NELFA: variants seen among roughly 807,000 people sequenced by gnomAD.
NELFA encodes negative elongation factor A.
A neutral mutation model predicts 51.8 loss-of-function variants in NELFA; 35 were observed. The observed-to-expected ratio is 0.68, with a 90% CI of 0.52 to 0.90. NELFA has a LOEUF of 0.90. Among genes scored for constraint, NELFA ranks in the 40% least tolerant of loss-of-function variants. The pLI is 0.00. For synonymous variants in NELFA, 417 were observed against 338.4 expected (o/e 1.23, Z -2.55); for missense variants, 658 against 746.4 (o/e 0.88, Z 1.38).
rs1477726397 is a variant in NELFA at position 1,983,417 on chromosome 4, T to C, written c.1489A>G (p.Ser497Gly). Residue 497 changes from serine (S) to glycine (G), a missense_variant, in exon 11 of 11, where the codon AGC becomes GGC. This residue lies in a region of NELFA where 87 missense variants were observed against 130.2 expected (regional missense o/e 0.67). Transcript: ENST00000382882. The stretch of plus-strand genomic sequence containing the variant: ...ACTGTGTCCACCAGCATGGTTGTGC[T>C]ACCCTGGCCGTCCGCCTTGGGCAGG... ...EDLPKADGQG[S>G]TTMLVDTVFE... 1 of 1,614,090 alleles carries C rather than the reference T, an allele frequency of 6.2e-7. No homozygotes were observed. Among genetic ancestry groups the C allele is most frequent in the African/African-American group, 1.3e-5 (1 of 74,934 alleles).
intron 1 of NELFA, among the ~76,000 whole-genome samples, chr4:2,005,647 G>A (rs561579376): frequency 2.0e-5 from 3 of 152,098 alleles, no homozygotes; most frequent in Non-Finnish European, 2.9e-5. Flanking sequence ...AGCTGAGATC[G>A]CGCCACTGCT....
At position 1,987,997 on chromosome 4, in the gene NELFA, G is replaced by C. The variant is rs536359664; in HGVS notation, c.555C>G (p.Thr185=). 6.2e-7 allele frequency: 1 copy of C among 1,610,326 alleles called. No individual in the cohort carries two copies. The highest frequency in any genetic ancestry group is 1.3e-5 in the African/African-American group (1 of 74,932). The change falls in exon 4 of 11, where the codon ACC becomes ACG. Residue 185 remains threonine, a synonymous_variant. Coordinates refer to ENST00000382882, the MANE Select transcript of NELFA (RefSeq NM_005663.5). Reference sequence around the variant, plus strand: ...CGGCGCTCCGCTTCAACTGCTGGGCGGTCTCCGTGGCTGGAAGGAAGAGGT... The same window carrying C: ...CGGCGCTCCGCTTCAACTGCTGGGCCGTCTCCGTGGCTGGAAGGAAGAGGT... ...RAELLQKSTE[T]AQQLKRSAGV... is the part of the protein sequence containing the mutation.
chr4:1,986,479 C>T (rs767170825), intron 4 of NELFA, 77 bp from the exon 5 acceptor site: 1 of 1,604,238 alleles, frequency 6.2e-7, no homozygotes, highest in East Asian at 2.2e-5. Context: ...GAACGTCCCA[C>T]CCTCTTCTAG....
chr4:1,989,590 G>C lies in NELFA; in HGVS notation c.544+118C>G. On this transcript the variant is annotated intron_variant, in intron 3 of 10. Coordinates refer to ENST00000382882, the MANE Select transcript of NELFA (RefSeq NM_005663.5). This position sits in a 1 kb window ranked among gnomAD's most constrained non-coding sequence, Gnocchi z 4.8. Reference sequence around the variant, plus strand: ...TGCCCCAGCCTCCCAACAGGTGTGAGCCACCATGCCTGGCCCAGAACGCCA... The same window carrying C: ...TGCCCCAGCCTCCCAACAGGTGTGACCCACCATGCCTGGCCCAGAACGCCA... 1.7e-6 allele frequency: 2 copies of C among 1,147,598 alleles called. No homozygotes were observed. The highest frequency in any genetic ancestry group is 2.5e-6 in the Non-Finnish European group (2 of 814,428). 71.1% of individuals were successfully genotyped at this position (1,147,598 alleles called of 1,614,324 possible).
intron 1 of NELFA, chr4:1,991,993 T>TCC: frequency 2.7e-6 from 1 of 369,792 alleles, no homozygotes; most frequent in Non-Finnish European, 4.8e-6. Flanking sequence ...CCACTGGGCC[T>TCC]ACTCTTCCAC....
At position 1,985,491 on chromosome 4, in the gene NELFA, C is replaced by T. The variant is rs182002927; in HGVS notation, c.924+285G>A. 2.1e-4 allele frequency among the ~76,000 whole-genome samples: 32 copies of T among 152,262 alleles called. 1 individual carries two copies. The East Asian group carries it at 6.0e-3, about 29-fold the overall frequency. ...ACGTGCAAGGCTTAGGTCCCACCAG[C>T]CCTGCCTGACGGGACACTGAGGCAC... is the stretch of plus-strand genomic sequence containing the variant. On this transcript the variant is annotated intron_variant, in intron 7 of 10. Coordinates refer to ENST00000382882, the MANE Select transcript of NELFA (RefSeq NM_005663.5).
At position 1,989,909 on chromosome 4, in the gene NELFA, C is replaced by A; in HGVS notation, c.383-40G>T. 1 of 1,596,492 alleles carries A rather than the reference C, an allele frequency of 6.3e-7. No individual in the cohort carries two copies. The highest frequency in any genetic ancestry group is 8.5e-7 in the Non-Finnish European group (1 of 1,170,762). ...CACATGAAGTTAGGGGCGCCCAGGC[C>A]GCAGACCTCCCGGCTGAGAGGAGCT... is the stretch of plus-strand genomic sequence containing the variant. On this transcript the variant is annotated intron_variant, in intron 2 of 10. Coordinates refer to ENST00000382882, the MANE Select transcript of NELFA (RefSeq NM_005663.5). This position sits in a 1 kb window ranked among gnomAD's most constrained non-coding sequence, Gnocchi z 4.8.
Position 1,982,756 on chromosome 4 carries a change from A to C in NELFA, c.*563T>G, listed in dbSNP as rs553158044. 1 of 152,574 alleles carries C rather than the reference A, an allele frequency of 6.6e-6. No homozygotes were observed. Among genetic ancestry groups the C allele is most frequent in the East Asian group, 1.9e-4 (1 of 5,198 alleles). 9.5% of individuals were successfully genotyped at this position (152,574 alleles called of 1,614,324 possible). ...GAAAAGCTCGACTTTAATGGTTCAG[A>C]TAGTTTTACAATGAAAATAGGTACC... is the stretch of plus-strand genomic sequence containing the variant. On this transcript the variant is annotated 3_prime_UTR_variant, in exon 11 of 11. Transcript: ENST00000382882.
chr4:2,007,863 C>T (rs1277672061), intron 1 of NELFA: 1 of 412,962 alleles, frequency 2.4e-6, no homozygotes, highest in East Asian at 7.1e-5. Context: ...TAGCCAGGAA[C>T]GTTTAAACAA....
At position 1,985,814 on chromosome 4, in the gene NELFA, C is replaced by T. The variant is rs779371467; in HGVS notation, c.886G>A (p.Ala296Thr). ...AGGCCGGCTGCGTAGTCCGGGGTGGCGTTCTCCACCACCGTTTCCTCCTTG... is the reference window on the plus strand; with the variant it reads ...AGGCCGGCTGCGTAGTCCGGGGTGGTGTTCTCCACCACCGTTTCCTCCTTG... Reference protein sequence around the residue: ...PAKEETVVENATPDYAAGLVS... With the variant: ...PAKEETVVENTTPDYAAGLVS... Residue 296 changes from alanine (A) to threonine (T), a missense_variant, in exon 7 of 11, where the codon GCC becomes ACC. Around this residue, in one of 3 missense-constraint regions of NELFA, gnomAD observed 371 missense variants for 448.3 expected, o/e 0.83. Coordinates refer to ENST00000382882, the MANE Select transcript of NELFA (RefSeq NM_005663.5). 8.7e-6 allele frequency: 14 copies of T among 1,613,144 alleles called. No homozygotes were observed. The highest frequency in any genetic ancestry group is 1.1e-5 in the Non-Finnish European group (13 of 1,179,772).
intron 1 of NELFA, among the ~76,000 whole-genome samples, chr4:1,992,896 G>A (rs1728313850): frequency 6.6e-6 from 1 of 152,190 alleles, no homozygotes; most frequent in South Asian, 2.1e-4. Flanking sequence ...CCCCCGCGTG[G>A]CCCAGCCCCT....
intron 3 of NELFA, 138 bp from the exon 4 acceptor site, chr4:1,988,145 C>A: frequency 1.5e-6 from 1 of 689,046 alleles, no homozygotes; most frequent in Admixed American, 3.0e-5. Context: ...GCAGCTGTTC[C>A]GAGCCGGGCC....
intron 9 of NELFA, 71 bp from the exon 10 acceptor site, chr4:1,983,766 C>T (rs41286681): frequency 0.02 from 31,216 of 1,598,688 alleles, 405 homozygotes; most frequent in Non-Finnish European, 0.024. Context: ...CTGCAGGCAC[C>T]GTGGCACCCC....
In NELFA at chr4:1,984,832, T is replaced by G. The variant is rs41286683; in HGVS notation, c.1012A>C (p.Ile338Leu). ...CCTGGGGGCGTCTCGGAGCTGGGGATGTAGGAGGAGGCGGGAACCACGCTG... is the reference window on the plus strand; with the variant it reads ...CCTGGGGGCGTCTCGGAGCTGGGGAGGTAGGAGGAGGCGGGAACCACGCTG... The part of the protein sequence containing the change: ...TPSVVPASSY[I>L]PSSETPPAPS... The change falls in exon 8 of 11, where the codon ATC (isoleucine) becomes CTC (leucine). Residue 338 changes from isoleucine to leucine, a missense_variant. Ile to Leu is a conservative substitution (Grantham distance 5). Coordinates refer to ENST00000382882, the MANE Select transcript of NELFA (RefSeq NM_005663.5). 6.4e-7 allele frequency: 1 copy of G among 1,569,468 alleles called. No individual in the cohort carries two copies.
At chr4:1,997,655 A>G (rs1338697455) in intron 1 of NELFA, among the ~76,000 whole-genome samples, 1 of 152,236 alleles carries the variant, frequency 6.6e-6, no homozygotes, top group East Asian at 1.9e-4. Context: ...CTATGGAGAA[A>G]GTAAGATGGT....
intron 1 of NELFA, among the ~76,000 whole-genome samples, chr4:1,993,643 T>C (rs983634677): frequency 9.9e-5 from 15 of 151,850 alleles, no homozygotes; most frequent in African/African-American, 3.6e-4. Context: ...ATGCTTGGCT[T>C]ACACACAACA....
rs545976301 is a variant in NELFA, at chr4:1,985,078, G to A, written c.925-159C>T. Among the ~76,000 whole-genome samples the A allele has an allele frequency of 4.6e-5, 7 of 152,296 alleles. No homozygotes were observed. The East Asian group carries it at 1.4e-3, about 29-fold the overall frequency. On this transcript the variant is annotated intron_variant, in intron 7 of 10. Transcript: ENST00000382882. The stretch of plus-strand genomic sequence containing the variant: ...TCCCGAGCTCCCTGGGCTAGACAAC[G>A]GGACCCCTGGCCCCTGGCGCCCCAG...
At chr4:2,003,197 A>G (rs1344541323) in intron 1 of NELFA, among the ~76,000 whole-genome samples, 2 of 152,220 alleles carry the variant, frequency 1.3e-5, no homozygotes, top group Non-Finnish European at 2.9e-5. Flanking sequence ...CACGCCAGTC[A>G]GAAGGGTGAT....
chr4:2,007,729 A>G (rs1033028678), intron 1 of NELFA, among the ~76,000 whole-genome samples: 3 of 152,202 alleles, frequency 2.0e-5, no homozygotes, highest in Non-Finnish European at 4.4e-5. Context: ...CACCTGTGTA[A>G]GGATCACAGG....
Sources: gnomAD v4.1 joint callset for allele counts (sites outside exome capture counted in the v4.1 genomes callset) on GRCh38, gnomAD v4.1.1 for gene constraint, gnomAD v4.1.1 regional missense constraint, Gnocchi (gnomAD v3.1) non-coding constraint, MANE v1.5 for transcripts, NCBI Gene and HGNC (gene_info 2026-07-23, HGNC 2026-07-21) for gene names.